CORO7: variants seen among roughly 807,000 people sequenced by gnomAD.
CORO7 encodes coronin-7.
CORO7 carries 107 observed loss-of-function variants against 126.6 expected under a neutral mutation model. The ratio of observed to expected loss-of-function variants is 0.85; its 90% confidence interval spans 0.72 to 0.99. CORO7 has a LOEUF of 0.99. Ranked by LOEUF, CORO7 falls within the 50% of genes least tolerant of loss-of-function variation. CORO7 has a pLI of 0.00. For synonymous variants in CORO7, 603 were observed against 536.8 expected (o/e 1.12, Z -1.70); for missense variants, 1,314 against 1,255.8 (o/e 1.05, Z -0.70).
intron 9 of CORO7, chr16:4,383,292 G>A: frequency 4.4e-6 from 1 of 227,934 alleles, no homozygotes; most frequent in Admixed American, 5.8e-5. Flanking sequence ...GAGCGGGTAG[G>A]CGGCTGTGTG....
In CORO7 at chr16:4,357,975, C is replaced by A; in HGVS notation, c.2586G>T (p.Met862Ile). ...PWLLSLQPPDMSPVSQAPREA... is the reference protein window; with the variant it reads ...PWLLSLQPPDISPVSQAPREA... ...CCCAGTCCCTCGGTGCACCTGGGCT[C>A]ATGTCAGGAGGCTGCAGGCTGAGAA... Residue 862 changes from methionine (M) to isoleucine (I), a missense_variant, in exon 25 of 28, where the codon ATG (methionine) becomes ATT (isoleucine). Physicochemically the swap from Met to Ile is conservative, Grantham distance 10. Transcript: ENST00000251166. The A allele has an allele frequency of 6.2e-7, 1 of 1,603,524 alleles. No homozygotes were observed.
intron 9 of CORO7, among the ~76,000 whole-genome samples, chr16:4,376,383 C>T (rs561600964): frequency 2.0e-5 from 3 of 152,194 alleles, no homozygotes; most frequent in Admixed American, 1.3e-4. Context: ...AGAGCCTTGG[C>T]GGGCCAGCAT....
intron 6 of CORO7, among the ~76,000 whole-genome samples, chr16:4,395,965 C>T (rs2055570530): frequency 1.4e-5 from 2 of 141,374 alleles, no homozygotes; most frequent in African/African-American, 5.4e-5. Flanking sequence ...GACCTTCTTT[C>T]TGTGGAACAA....
chr16:4,403,037 C>T (rs1228725689), intron 6 of CORO7, among the ~76,000 whole-genome samples: 1 of 152,224 alleles, frequency 6.6e-6, no homozygotes. Context: ...GGTGGGGGCA[C>T]ACTCTGGTGG....
At chr16:4,359,783 T>C (rs2054099691) in intron 21 of CORO7, among the ~76,000 whole-genome samples, 162 bp from the exon 22 acceptor site, 1 of 151,770 alleles carries the variant, frequency 6.6e-6, no homozygotes, top group African/African-American at 2.4e-5. Context: ...CACCTCTGGG[T>C]TCCCCATTGA....
chr16:4,377,885 C>T (rs1268317684), intron 9 of CORO7, among the ~76,000 whole-genome samples: 1 of 152,174 alleles, frequency 6.6e-6, no homozygotes, highest in East Asian at 1.9e-4. Context: ...CCCAGGACCC[C>T]AGCCCACAGT....
chr16:4,412,767 C>T (rs947824753), intron 2 of CORO7: 2 of 347,354 alleles, frequency 5.8e-6, no homozygotes, highest in Non-Finnish European at 1.1e-5. Context: ...GAAGCCAACA[C>T]CCAAGGTGGC....
At chr16:4,361,300 TC>T in intron 17 of CORO7, 52 bp from the exon 18 acceptor site, 1 of 1,609,610 alleles carries the variant, frequency 6.2e-7, no homozygotes, top group Non-Finnish European at 8.5e-7. Flanking sequence ...ACCTCTGGGC[TC>T]CCCAGCCCCT....
chr16:4,415,971 G>T, intron 1 of CORO7: 3 of 780,350 alleles, frequency 3.8e-6, no homozygotes, highest in Non-Finnish European at 4.7e-6. Flanking sequence ...CGGCCGAGGG[G>T]CTCCCTCCCC....
intron 6 of CORO7, among the ~76,000 whole-genome samples, chr16:4,396,097 T>C (rs2055580151): frequency 6.6e-6 from 1 of 152,126 alleles, no homozygotes; most frequent in African/African-American, 2.4e-5. Flanking sequence ...TTTTCTTTTT[T>C]GAGACAGAGT....
chr16:4,359,848 GCCC>G (rs1203565653), intron 21 of CORO7, among the ~76,000 whole-genome samples: 1 of 145,450 alleles, frequency 6.9e-6, no homozygotes, highest in Non-Finnish European at 1.5e-5. Flanking sequence ...CTGCCTCACC[GCCC>G]CTGCTTCCAT....
chr16:4,374,683 G>A (rs988257208), intron 9 of CORO7, among the ~76,000 whole-genome samples: 3 of 152,130 alleles, frequency 2.0e-5, no homozygotes, highest in African/African-American at 4.8e-5. Flanking sequence ...AATCCATCCC[G>A]CCTGCCCATT....
chr16:4,386,452 C>A (rs1302931493), intron 9 of CORO7, among the ~76,000 whole-genome samples: 1 of 152,140 alleles, frequency 6.6e-6, no homozygotes, highest in African/African-American at 2.4e-5. Context: ...CCACTGGGGG[C>A]CCTGCAGGGA....
At chr16:4,398,237 A>T (rs554560369) in intron 6 of CORO7, among the ~76,000 whole-genome samples, 1 of 152,292 alleles carries the variant, frequency 6.6e-6, no homozygotes, top group African/African-American at 2.4e-5. Flanking sequence ...ACATTTTAAA[A>T]ATATATATAT....
intron 9 of CORO7, among the ~76,000 whole-genome samples, chr16:4,369,476 TC>T (rs537431713): frequency 1.9e-3 from 283 of 152,258 alleles, no homozygotes; most frequent in South Asian, 5.0e-3. Flanking sequence ...CAGGGGTCTG[TC>T]CCAGGCATAA....
chr16:4,355,244 G>T (rs1037660661), intron 27 of CORO7, 42 bp downstream of exon 27: 2 of 1,609,900 alleles, frequency 1.2e-6, no homozygotes, highest in Non-Finnish European at 1.7e-6. Context: ...ATGTGCGAGG[G>T]ACCGCGCTGC....
At chr16:4,413,887 A>C (rs964135841) in intron 1 of CORO7, among the ~76,000 whole-genome samples, 9 of 151,242 alleles carry the variant, frequency 6.0e-5, no homozygotes, top group Non-Finnish European at 1.2e-4. Flanking sequence ...GAAGTCCCTT[A>C]GGAAATGTAA....
intron 9 of CORO7, 102 bp from the exon 10 acceptor site, chr16:4,365,647 C>A: frequency 1.4e-6 from 2 of 1,463,434 alleles, no homozygotes; most frequent in South Asian, 1.3e-5. Flanking sequence ...TGACTGGGAG[C>A]CGCTTGGCCA....
intron 6 of CORO7, among the ~76,000 whole-genome samples, chr16:4,404,229 C>G (rs1382148092): frequency 1.3e-5 from 2 of 152,200 alleles, no homozygotes; most frequent in Non-Finnish European, 2.9e-5. Flanking sequence ...CATTCCCAGG[C>G]CTCTCAGCCA....
Sources: allele counts gnomAD v4.1 joint callset (sites outside exome capture counted in the v4.1 genomes callset), GRCh38; gene constraint gnomAD v4.1.1; transcripts MANE v1.5; gene names NCBI Gene and HGNC (gene_info 2026-07-23, HGNC 2026-07-21).